The following SLC2A9 variants were observed in gnomAD, a reference collection of about 807,000 sequenced individuals.
SLC2A9 encodes solute carrier family 2, facilitated glucose transporter member 9.
SLC2A9 carries 39 observed loss-of-function variants against 50.6 expected under a neutral mutation model. That is an observed-to-expected ratio of 0.77 (90% CI 0.60 to 1.01). The LOEUF (loss-of-function observed/expected upper bound fraction) is 1.01, where lower values mean the gene tolerates loss of function less well. Ranked by LOEUF, SLC2A9 falls within the 50% of genes least tolerant of loss-of-function variation. The pLI, the probability that SLC2A9 is intolerant of heterozygous loss-of-function variation, is 0.00. For synonymous variants in SLC2A9, 324 were observed against 276.9 expected (o/e 1.17, Z -1.69); for missense variants, 686 against 677.6 (o/e 1.01, Z -0.14).
At chr4:9,949,722 T>A (rs1223074977) in intron 5 of SLC2A9, among the ~76,000 whole-genome samples, 5 of 152,208 alleles carry the variant, frequency 3.3e-5, no homozygotes, top group Non-Finnish European at 7.3e-5. Context: ...TATATGCAGA[T>A]TCTATCAGGC....
chr4:9,938,570 C>T (rs1054769886), intron 6 of SLC2A9, among the ~76,000 whole-genome samples: 2 of 152,090 alleles, frequency 1.3e-5, no homozygotes, highest in South Asian at 2.1e-4. Context: ...TGCGCCTGGC[C>T]GATCTTTTGC....
intron 10 of SLC2A9, among the ~76,000 whole-genome samples, chr4:9,850,004 C>T (rs557682088): frequency 5.9e-5 from 9 of 151,546 alleles, no homozygotes; most frequent in South Asian, 2.1e-4. Context: ...ACCGAGAGAC[C>T]GGGACATCAG....
intron 1 of SLC2A9, among the ~76,000 whole-genome samples, chr4:10,027,687 G>C (rs369701348): frequency 6.6e-6 from 1 of 151,892 alleles, no homozygotes; most frequent in Non-Finnish European, 1.5e-5. Flanking sequence ...AGTGTCCTTT[G>C]GTAATGGGGG....
intron 10 of SLC2A9, among the ~76,000 whole-genome samples, chr4:9,851,515 G>C (rs1729919644): frequency 6.6e-6 from 1 of 152,196 alleles, no homozygotes; most frequent in South Asian, 2.1e-4. Context: ...CAAAAAGCCA[G>C]AGTATCTTTT....
In SLC2A9 at chr4:9,956,309, C is replaced by T. The variant is rs566097190; in HGVS notation, c.682-14264G>A. On this transcript the variant is annotated intron_variant, in intron 5 of 11. Transcript: ENST00000264784. ...CCATCCTGGCTAACATGGTGAAACC[C>T]CATGTCTACTAAAAATACAAAAAAA... 2.0e-3 allele frequency among the ~76,000 whole-genome samples: 283 copies of T among 144,756 alleles called. 1 individual carries two copies. The highest frequency in any genetic ancestry group is 2.4e-3 in the Non-Finnish European group (163 of 66,542). The allele number at this position is 144,756 out of a possible 152,430, so 95.0% of individuals were successfully genotyped here. A position where few individuals can be genotyped will look rare whatever the true frequency, so the allele number is the denominator to read the frequency against.
intron 8 of SLC2A9, among the ~76,000 whole-genome samples, chr4:9,905,238 A>G (rs1419471449): frequency 1.3e-5 from 2 of 152,202 alleles, no homozygotes; most frequent in East Asian, 3.9e-4. Context: ...AACCTCCCAC[A>G]CAGAGATTCC....
At chr4:9,853,257 A>T (rs1452540028) in intron 10 of SLC2A9, among the ~76,000 whole-genome samples, 1 of 152,090 alleles carries the variant, frequency 6.6e-6, no homozygotes, top group Non-Finnish European at 1.5e-5. Flanking sequence ...CAAGACACCC[A>T]TCTCACATTC....
chr4:9,844,163 T>TA (rs1560181664), intron 10 of SLC2A9, among the ~76,000 whole-genome samples: 1 of 84,878 alleles, frequency 1.2e-5, no homozygotes, highest in East Asian at 3.3e-4. Context: ...AAAAAAATAA[T>TA]AATAAAAAAA....
chr4:9,864,300 C>A (rs1577591492), intron 10 of SLC2A9, among the ~76,000 whole-genome samples: 1 of 152,248 alleles, frequency 6.6e-6, no homozygotes, highest in East Asian at 1.9e-4. Context: ...TTTGATTTAG[C>A]CAAGACACTC....
At chr4:9,875,435 C>T (rs2109557843) in intron 10 of SLC2A9, among the ~76,000 whole-genome samples, 1 of 152,346 alleles carries the variant, frequency 6.6e-6, no homozygotes, top group Admixed American at 6.5e-5. Context: ...GTGCAGTGCA[C>T]ACCCTGAGAA....
At chr4:9,783,511 T>G in intron 3 of SLC2A9, 1 of 1,514,226 alleles carries the variant, frequency 6.6e-7, no homozygotes, top group Non-Finnish European at 8.9e-7. Flanking sequence ...GCACAGACAT[T>G]GACAAGCACG....
chr4:9,801,718 C>T lies in SLC2A9; in HGVS notation n.421-2477G>A, dbSNP rs557679267. Reference sequence around the variant, plus strand: ...GCCATCAGGGTGCCCAGGAACTGTCCCCCCGAGCAGCAGCTGCAGTCAGCT... The same window carrying T: ...GCCATCAGGGTGCCCAGGAACTGTCTCCCCGAGCAGCAGCTGCAGTCAGCT... On this transcript the variant is annotated intron_variant and non_coding_transcript_variant, in intron 3 of 3. Coordinates refer to the SLC2A9 transcript ENST00000503280. Among the ~76,000 whole-genome samples, 134 of 152,236 alleles carry T rather than the reference C, an allele frequency of 8.8e-4. 1 individual carries two copies. The highest frequency in any genetic ancestry group is 5.9e-5 in the Non-Finnish European group (4 of 68,018).
downstream of SLC2A9, among the ~76,000 whole-genome samples, chr4:9,796,578 T>C (rs1326822678): frequency 2.6e-5 from 4 of 152,228 alleles, no homozygotes; most frequent in Non-Finnish European, 4.4e-5. Context: ...TTATACAATG[T>C]ATTAGTCAGG....
intron 11 of SLC2A9, among the ~76,000 whole-genome samples, chr4:9,827,133 T>C (rs755582449): frequency 2.6e-5 from 4 of 152,068 alleles, no homozygotes; most frequent in Non-Finnish European, 5.9e-5. Flanking sequence ...TCAGAAAAAA[T>C]AGAAATGCTC....
At chr4:9,853,950 G>A (rs1392549611) in intron 10 of SLC2A9, among the ~76,000 whole-genome samples, 1 of 151,856 alleles carries the variant, frequency 6.6e-6, no homozygotes, top group Non-Finnish European at 1.5e-5. Context: ...AAATTAATGA[G>A]AACAAATATA....
At chr4:9,896,528 T>C (rs1396656878) in intron 8 of SLC2A9, among the ~76,000 whole-genome samples, 2 of 152,222 alleles carry the variant, frequency 1.3e-5, no homozygotes, top group Non-Finnish European at 2.9e-5. Context: ...GTTTTATAGG[T>C]ATGTTCTCCA....
chr4:9,837,465 T>A (rs960094610), intron 10 of SLC2A9, among the ~76,000 whole-genome samples: 1 of 152,236 alleles, frequency 6.6e-6, no homozygotes, highest in Non-Finnish European at 1.5e-5. Flanking sequence ...TGTTTCACTT[T>A]CTGTGTCTTT....
intron 10 of SLC2A9, among the ~76,000 whole-genome samples, chr4:9,850,630 C>A (rs2109308672): frequency 6.6e-6 from 1 of 152,242 alleles, no homozygotes; most frequent in East Asian, 1.9e-4. Context: ...AGCAGACTGG[C>A]TCCCACTGGT....
At chr4:9,903,277 T>C (rs767931492) in intron 8 of SLC2A9, among the ~76,000 whole-genome samples, 2 of 151,620 alleles carry the variant, frequency 1.3e-5, no homozygotes, top group African/African-American at 2.4e-5. Flanking sequence ...TTTTTTTTAC[T>C]ACAAGTCAAG....
Sources: gnomAD v4.1 joint callset for allele counts (sites outside exome capture counted in the v4.1 genomes callset) on GRCh38, gnomAD v4.1.1 for gene constraint, MANE v1.5 for transcripts, NCBI Gene and HGNC (gene_info 2026-07-23, HGNC 2026-07-21) for gene names.